Variants in MGAT4C observed in about 807,000 individuals in gnomAD.
MGAT4C encodes alpha-1,3-mannosyl-glycoprotein 4-beta-N-acetylglucosaminyltransferase C.
Under a neutral mutation model 40.1 loss-of-function variants are expected in MGAT4C, and 19 were observed. The observed-to-expected ratio is 0.47, with a 90% CI of 0.33 to 0.70. The LOEUF is 0.70. MGAT4C is among the 30% of genes least tolerant of loss of function. The pLI, the probability that MGAT4C is intolerant of heterozygous loss-of-function variation, is 0.02. For synonymous variants in MGAT4C, 181 were observed against 187.1 expected (o/e 0.97, Z 0.27); for missense variants, 491 against 563.2 (o/e 0.87, Z 1.30).
intron 3 of MGAT4C, among the ~76,000 whole-genome samples, chr12:86,368,587 AT>A (rs1592752189): frequency 6.7e-6 from 1 of 149,592 alleles, no homozygotes; most frequent in Non-Finnish European, 1.5e-5. Context: ...AGTGTGTTGC[AT>A]TTTTTTGTTT....
chr12:86,725,886 T>G (rs1195926654), intron 2 of MGAT4C, among the ~76,000 whole-genome samples: 1 of 151,850 alleles, frequency 6.6e-6, no homozygotes, highest in Non-Finnish European at 1.5e-5. Context: ...AAACAACCTT[T>G]CCAAATGTGG....
chr12:86,483,249 T>C (rs1211444060), intron 2 of MGAT4C, among the ~76,000 whole-genome samples: 11 of 152,130 alleles, frequency 7.2e-5, no homozygotes. Flanking sequence ...GTTCCAGATA[T>C]CATCACATTG....
intron 2 of MGAT4C, among the ~76,000 whole-genome samples, chr12:86,031,223 C>G (rs1239129325): frequency 6.6e-6 from 1 of 151,670 alleles, no homozygotes; most frequent in Non-Finnish European, 1.5e-5. Context: ...TAAGTAGGAA[C>G]TAATAATAAC....
At chr12:86,822,217 C>G (rs556504313) in intron 1 of MGAT4C, among the ~76,000 whole-genome samples, 1 of 150,794 alleles carries the variant, frequency 6.6e-6, no homozygotes, top group South Asian at 2.1e-4. Flanking sequence ...ACAAAAAAGT[C>G]AAAGGAAGGA....
chr12:86,446,227 C>A lies in MGAT4C; in HGVS notation c.-228-10962G>T, dbSNP rs11103959. Among the ~76,000 whole-genome samples, 1,092 of 151,624 alleles carry A rather than the reference C, an allele frequency of 7.2e-3. 15 individuals carry two copies. The highest frequency in any genetic ancestry group is 0.025 in the African/African-American group (1,049 of 41,350). On this transcript the variant is annotated intron_variant, in intron 2 of 7. Transcript: ENST00000548651. ...GAACAATTATTGCTAAGACAAGGAC[C>A]CATTTTTTCCTGATAATGAAAACAA...
chr12:85,986,257 T>C (rs763466830), intron 3 of MGAT4C, among the ~76,000 whole-genome samples: 2 of 152,222 alleles, frequency 1.3e-5, no homozygotes, highest in African/African-American at 2.4e-5. Flanking sequence ...TACTATGCTG[T>C]AGTATATTTC....
At chr12:86,601,740 G>T (rs1399178621) in intron 2 of MGAT4C, among the ~76,000 whole-genome samples, 2 of 152,112 alleles carry the variant, frequency 1.3e-5, no homozygotes, top group African/African-American at 4.8e-5. Context: ...CCACCCAACC[G>T]GGAAGAAGTG....
In MGAT4C at chr12:85,962,307, G is replaced by A. The variant is rs1883152724; in HGVS notation, c.*16982C>T. 1 of 151,162 alleles carries A rather than the reference G, an allele frequency of 6.6e-6. No homozygotes were observed. The highest frequency in any genetic ancestry group is 1.5e-5 in the Non-Finnish European group (1 of 67,584). 9.4% of individuals were successfully genotyped at this position (151,162 alleles called of 1,614,324 possible). A position where few individuals can be genotyped will look rare whatever the true frequency, so the allele number is the denominator to read the frequency against. ...TTGAGATCTGCAGAACAAAGTCAAT[G>A]TCTGAATTTAGAGACTAATTTGACC... is the stretch of plus-strand genomic sequence containing the variant. On this transcript the variant is annotated 3_prime_UTR_variant, in exon 5 of 5. Transcript: ENST00000611864.
chr12:86,474,759 G>C (rs1207496932), intron 2 of MGAT4C, among the ~76,000 whole-genome samples: 1 of 151,994 alleles, frequency 6.6e-6, no homozygotes, highest in African/African-American at 2.4e-5. Context: ...GATATGGTCA[G>C]ATTAATGGCG....
At chr12:86,714,763 G>A (rs1290359219) in intron 2 of MGAT4C, among the ~76,000 whole-genome samples, 1 of 132,242 alleles carries the variant, frequency 7.6e-6, no homozygotes, top group Non-Finnish European at 1.6e-5. Flanking sequence ...GAGGAAAGAG[G>A]TGGAAGGGAA....
At chr12:86,579,041 G>A (rs1960673627) in intron 2 of MGAT4C, among the ~76,000 whole-genome samples, 1 of 151,404 alleles carries the variant, frequency 6.6e-6, no homozygotes, top group East Asian at 1.9e-4. Flanking sequence ...TTTATTTTCA[G>A]TCTATGTGTG....
intron 2 of MGAT4C, among the ~76,000 whole-genome samples, chr12:86,006,595 C>A (rs558356385): frequency 6.6e-6 from 1 of 152,218 alleles, no homozygotes; most frequent in South Asian, 2.1e-4. Context: ...TGAAGTAGGC[C>A]CCATGTTGGG....
At chr12:86,761,359 T>C (rs537731374) in intron 1 of MGAT4C, among the ~76,000 whole-genome samples, 11 of 152,278 alleles carry the variant, frequency 7.2e-5, no homozygotes, top group Non-Finnish European at 1.3e-4. Flanking sequence ...ATGGGTTAAG[T>C]GTAATTATTT....
Position 86,619,729 on chromosome 12 carries a change from T to C in MGAT4C, c.-229+107480A>G, listed in dbSNP as rs372855129. ...TACTCTTAGTATAATATATTTCATC[T>C]GTTAAAAAATACTACTAGCTAGTGA... is the stretch of plus-strand genomic sequence containing the variant. On this transcript the variant is annotated intron_variant, in intron 2 of 7. Coordinates refer to the MGAT4C transcript ENST00000548651. Among the ~76,000 whole-genome samples the C allele has an allele frequency of 1.7e-4, 26 of 152,214 alleles. No individual in the cohort carries two copies. In the East Asian group the frequency reaches 3.3e-3, roughly 19 times the overall value.
intron 3 of MGAT4C, among the ~76,000 whole-genome samples, chr12:86,338,009 G>A (rs528618480): frequency 5.3e-5 from 8 of 152,070 alleles, no homozygotes; most frequent in Admixed American, 1.3e-4. Flanking sequence ...TGTTATAACC[G>A]CCCAATGGGT....
intron 2 of MGAT4C, among the ~76,000 whole-genome samples, chr12:86,507,161 GTCTC>G (rs1290403339): frequency 2.6e-5 from 4 of 152,108 alleles, no homozygotes; most frequent in Non-Finnish European, 5.9e-5. Flanking sequence ...AGATAAAAAT[GTCTC>G]TCTGAGTTTT....
At chr12:86,447,440 G>A (rs1010120769) in intron 2 of MGAT4C, among the ~76,000 whole-genome samples, 5 of 152,052 alleles carry the variant, frequency 3.3e-5, no homozygotes, top group African/African-American at 1.2e-4. Flanking sequence ...CAGTAAAAAA[G>A]AATGACTGGA....
At chr12:86,515,961 T>A (rs1958679695) in intron 2 of MGAT4C, among the ~76,000 whole-genome samples, 2 of 151,830 alleles carry the variant, frequency 1.3e-5, no homozygotes, top group African/African-American at 2.4e-5. Context: ...AGCCAGGATG[T>A]TCTCGAGCTC....
chr12:86,801,466 A>G (rs1257110789), intron 1 of MGAT4C, among the ~76,000 whole-genome samples: 2 of 151,904 alleles, frequency 1.3e-5, no homozygotes, highest in African/African-American at 4.8e-5. Flanking sequence ...GACATATAGA[A>G]AAAGAATCCA....
Sources: gnomAD v4.1 joint callset for allele counts (sites outside exome capture counted in the v4.1 genomes callset) on GRCh38, gnomAD v4.1.1 for gene constraint, MANE v1.5 for transcripts, NCBI Gene and HGNC (gene_info 2026-07-23, HGNC 2026-07-21) for gene names.